Variants in EMILIN1 observed in about 807,000 individuals in gnomAD.
EMILIN1 encodes elastin microfibril interfacer 1, also known as EMILIN-1.
A neutral mutation model predicts 82.4 loss-of-function variants in EMILIN1; 49 were observed. The ratio of observed to expected loss-of-function variants is 0.59; its 90% CI spans 0.47 to 0.75. EMILIN1 has a LOEUF of 0.75. Among genes scored for constraint, EMILIN1 ranks in the 30% least tolerant of loss-of-function variants. The pLI, the probability that EMILIN1 is intolerant of heterozygous loss-of-function variation, is 0.00. For missense variants in EMILIN1, 1,313 were observed against 1,366.4 expected (o/e 0.96, Z 0.62); for synonymous variants, 604 against 602.2 (o/e 1.00, Z -0.04).
intron 1 of EMILIN1, among the ~76,000 whole-genome samples, chr2:27,079,878 T>G (rs1400611107): frequency 2.0e-5 from 3 of 152,190 alleles, no homozygotes; most frequent in South Asian, 4.1e-4. Flanking sequence ...TTGTGTACAT[T>G]CAGAGGCTCC....
At position 27,082,809 on chromosome 2, in the gene EMILIN1, G is replaced by A. The variant is rs765482973; in HGVS notation, c.1238G>A (p.Arg413His). Residue 413 changes from arginine to histidine, a missense_variant, in exon 4 of 8, where the codon CGC becomes CAC. By Grantham distance (29) the Arg-to-His change is conservative (BLOSUM62 0). Transcript: ENST00000380320. Reference sequence around the variant, plus strand: ...TCCCGCCTGTCTCGCCTGGAGGACCGCTTCAACTCCACCCTGGGCCCTTCG... The same window carrying A: ...TCCCGCCTGTCTCGCCTGGAGGACCACTTCAACTCCACCCTGGGCCCTTCG... ...LASRLSRLED[R>H]FNSTLGPSEE... The A allele has an allele frequency of 3.2e-6, 5 of 1,556,724 alleles. No homozygotes were observed. Among genetic ancestry groups the A allele is most frequent in the Non-Finnish European group, 4.3e-6 (5 of 1,159,160 alleles).
rs766286890 is a variant in EMILIN1 at position 27,083,936 on chromosome 2, C to T, written c.2365C>T (p.Arg789Trp). ...LVGGQAGLGR[R>W]LGALNSSLQL... ...CGGGGGACAGGCGGGCCTGGGCAGGCGGCTGGGTGCCCTTAACAGCTCCCT... is the reference window on the plus strand; with the variant it reads ...CGGGGGACAGGCGGGCCTGGGCAGGTGGCTGGGTGCCCTTAACAGCTCCCT... Residue 789 changes from arginine to tryptophan, a missense_variant, in exon 4 of 8, where the codon CGG (arginine) becomes TGG (tryptophan). Transcript: ENST00000380320. 34 of 1,592,146 alleles carry T rather than the reference C, an allele frequency of 2.1e-5. No homozygotes were observed. The highest frequency in any genetic ancestry group is 1.3e-4 in the African/African-American group (10 of 74,486).
chr2:27,085,599 G>C, intron 7 of EMILIN1, 79 bp from the exon 8 acceptor site: 2 of 1,346,918 alleles, frequency 1.5e-6, no homozygotes, highest in Admixed American at 4.3e-5. Context: ...AAGACCCAGA[G>C]GGTCCCTCCT....
At chr2:27,084,327 C>T (rs534932415) in intron 4 of EMILIN1, 88 bp from the exon 5 acceptor site, 13 of 801,284 alleles carry the variant, frequency 1.6e-5, no homozygotes, top group East Asian at 4.9e-5. Flanking sequence ...CATCCATCTT[C>T]TCCCTGTTCA....
chr2:27,084,570 A>T (rs773897963), intron 5 of EMILIN1, 39 bp downstream of exon 5: 1 of 1,334,718 alleles, frequency 7.5e-7, no homozygotes, highest in Admixed American at 1.7e-5. Flanking sequence ...CAGGGTTGCC[A>T]CTGCCCCCTC....
chr2:27,080,620 C>A, intron 2 of EMILIN1, 112 bp from the exon 3 acceptor site: 1 of 899,810 alleles, frequency 1.1e-6, no homozygotes, highest in Non-Finnish European at 1.7e-6. Context: ...TAAGAGGGAC[C>A]CAGCCTGAGG....
chr2:27,080,336 G>A, intron 2 of EMILIN1, 66 bp downstream of exon 2: 1 of 1,593,908 alleles, frequency 6.3e-7, no homozygotes, highest in Non-Finnish European at 8.6e-7. Context: ...GTGGGTGGCT[G>A]ACTCAGGGAG....
Position 27,079,078 on chromosome 2 carries a change from A to G in EMILIN1, c.13A>G (p.Thr5Ala). The G allele has an allele frequency of 6.3e-7, 1 of 1,596,830 alleles. No individual in the cohort carries two copies. Among genetic ancestry groups the G allele is most frequent in the South Asian group, 1.1e-5 (1 of 90,426 alleles). Residue 5 changes from threonine (T) to alanine (A), a missense_variant, in exon 1 of 8, where the codon ACC (threonine) becomes GCC (alanine). Thr to Ala is a moderately conservative substitution (Grantham distance 58). Transcript: ENST00000380320. Reference protein sequence around the residue: MAPRTLWSCYLCCLL... With the variant: MAPRALWSCYLCCLL... Reference sequence around the variant, plus strand: ...GGAGCGCCCCGCCATGGCCCCCCGCACCCTCTGGAGCTGCTACCTCTGCTG... The same window carrying G: ...GGAGCGCCCCGCCATGGCCCCCCGCGCCCTCTGGAGCTGCTACCTCTGCTG...
At position 27,083,324 on chromosome 2, in the gene EMILIN1, T is replaced by C. The variant is rs1344856139; in HGVS notation, c.1753T>C (p.Cys585Arg). ...CCATGGGGATGAGGGCTGTGGGGCC[T>C]GTGGCGGAGTCCAAGAGGAACTAGG... ...QAHGDEGCGA[C>R]GGVQEELGRL... The change falls in exon 4 of 8, where the codon TGT (cysteine) becomes CGT (arginine). Residue 585 changes from cysteine (C) to arginine (R), a missense_variant. Coordinates refer to ENST00000380320, the MANE Select transcript of EMILIN1 (RefSeq NM_007046.4). 6.2e-7 allele frequency: 1 copy of C among 1,613,310 alleles called. No homozygotes were observed.
chr2:27,080,406 G>C (rs1669452602), intron 2 of EMILIN1, 136 bp downstream of exon 2: 2 of 1,226,196 alleles, frequency 1.6e-6, no homozygotes, highest in Admixed American at 4.4e-5. Flanking sequence ...ATTTTGAGGA[G>C]ATACTGAGAC....
Position 27,083,915 on chromosome 2 carries a change from G to A in EMILIN1, c.2344G>A (p.Gly782Arg), listed in dbSNP as rs1422767895. ...QAALLEKLVG[G>R]QAGLGRRLGA... ...AGCCCTGCTGGAGAAGCTGGTCGGG[G>A]GACAGGCGGGCCTGGGCAGGCGGCT... Residue 782 changes from glycine to arginine, a missense_variant, in exon 4 of 8, where the codon GGA becomes AGA. By Grantham distance (125) the Gly-to-Arg change is moderately radical. Coordinates refer to ENST00000380320, the MANE Select transcript of EMILIN1 (RefSeq NM_007046.4). The A allele has an allele frequency of 1.2e-6, 2 of 1,606,536 alleles. No homozygotes were observed. The highest frequency in any genetic ancestry group is 1.7e-6 in the Non-Finnish European group (2 of 1,175,430).
Position 27,082,618 on chromosome 2 carries a change from C to A in EMILIN1, c.1047C>A (p.Pro349=), listed in dbSNP as rs559866168. 1.3e-6 allele frequency: 2 copies of A among 1,544,466 alleles called. No individual in the cohort carries two copies. Among genetic ancestry groups the A allele is most frequent in the East Asian group, 2.4e-5 (1 of 41,038 alleles). The change falls in exon 4 of 8, where the codon CCC becomes CCA. Residue 349 remains proline, a synonymous_variant. Coordinates refer to ENST00000380320, the MANE Select transcript of EMILIN1 (RefSeq NM_007046.4). ...HLAGLAVGRR[P]PQECCSPELG... is the part of the protein sequence containing the mutation. ...CAGGGCTGGCGGTGGGCCGCAGGCCCCCTCAGGAATGCTGCTCTCCAGAGC... is the reference window on the plus strand; with the variant it reads ...CAGGGCTGGCGGTGGGCCGCAGGCCACCTCAGGAATGCTGCTCTCCAGAGC...
Position 27,080,177 on chromosome 2 carries a change from G to T in EMILIN1, c.197G>T (p.Arg66Leu). The change falls in exon 2 of 8, where the codon CGG becomes CTG. Residue 66 changes from arginine to leucine, a missense_variant. By Grantham distance (102) the Arg-to-Leu change is moderately radical. Transcript: ENST00000380320. ...AACTGGTGTGCCTACGTGGTGACCC[G>T]GACAGTGAGCTGTGTCCTTGAGGAT... ...HRNWCAYVVT[R>L]TVSCVLEDGV... 1 of 1,614,094 alleles carries T rather than the reference G, an allele frequency of 6.2e-7. No individual in the cohort carries two copies. Among genetic ancestry groups the T allele is most frequent in the Non-Finnish European group, 8.5e-7 (1 of 1,179,944 alleles).
In EMILIN1 at chr2:27,082,913, C is replaced by A; in HGVS notation, c.1342C>A (p.Gln448Lys). The A allele has an allele frequency of 6.3e-7, 1 of 1,595,906 alleles. No individual in the cohort carries two copies. Among genetic ancestry groups the A allele is most frequent in the Non-Finnish European group, 8.5e-7 (1 of 1,176,890 alleles). ...WLPAARGRLE[Q>K]LGGLLANVSG... ...GCCTGCTGCCCGGGGCCGACTAGAGCAGTTGGGGGGGCTGCTGGCCAATGT... is the reference window on the plus strand; with the variant it reads ...GCCTGCTGCCCGGGGCCGACTAGAGAAGTTGGGGGGGCTGCTGGCCAATGT... Residue 448 changes from glutamine to lysine, a missense_variant, in exon 4 of 8, where the codon CAG becomes AAG. Physicochemically the swap from Gln to Lys is moderately conservative, Grantham distance 53 (BLOSUM62 1). Coordinates refer to ENST00000380320, the MANE Select transcript of EMILIN1 (RefSeq NM_007046.4).
Position 27,083,388 on chromosome 2 carries a change from T to C in EMILIN1, c.1817T>C (p.Leu606Pro). 6.2e-7 allele frequency: 1 copy of C among 1,612,190 alleles called. No individual in the cohort carries two copies. The highest frequency in any genetic ancestry group is 8.5e-7 in the Non-Finnish European group (1 of 1,179,942). ...RDGVERCSCP[L>P]LPPRGPGAGP... ...GGTGTGGAGCGCTGCTCCTGCCCCC[T>C]GTTGCCTCCTCGGGGTCCTGGGGCT... The change falls in exon 4 of 8, where the codon CTG becomes CCG. Residue 606 changes from leucine to proline, a missense_variant. Transcript: ENST00000380320.
Position 27,079,013 on chromosome 2 carries a change from C to A in EMILIN1, c.-53C>A. 3 of 1,400,156 alleles carry A rather than the reference C, an allele frequency of 2.1e-6. No homozygotes were observed. Among genetic ancestry groups the A allele is most frequent in the South Asian group, 1.4e-5 (1 of 71,490 alleles). 86.7% of individuals were successfully genotyped at this position (1,400,156 alleles called of 1,614,324 possible). A position where few individuals can be genotyped will look rare whatever the true frequency, so the allele number is the denominator to read the frequency against. On this transcript the variant is annotated 5_prime_UTR_variant, in exon 1 of 8. Transcript: ENST00000380320. ...GCAGCATCCCCGGGGCCGGCAGAGG[C>A]GCCAGTGGCTGGGCGGGATGAGTCT... is the stretch of plus-strand genomic sequence containing the variant.
At position 27,083,838 on chromosome 2, in the gene EMILIN1, C is replaced by A; in HGVS notation, c.2267C>A (p.Ala756Asp). Residue 756 changes from alanine to aspartate, a missense_variant, in exon 4 of 8, where the codon GCT (alanine) becomes GAT (aspartate). By Grantham distance (126) the Ala-to-Asp change is moderately radical (BLOSUM62 -2). Transcript: ENST00000380320. ...CGCGAGGGCCTTTCCAGACACGTGG[C>A]TGGGCTCTGGGCTGGGCTCCGGGAA... ...GLREGLSRHV[A>D]GLWAGLRETN... is the part of the protein sequence containing the mutation. The A allele has an allele frequency of 6.2e-7, 1 of 1,600,584 alleles. No homozygotes were observed. Among genetic ancestry groups the A allele is most frequent in the Non-Finnish European group, 8.5e-7 (1 of 1,170,150 alleles).
chr2:27,085,252 G>A lies in EMILIN1; in HGVS notation c.2668G>A (p.Asp890Asn), dbSNP rs1472940418. Reference sequence around the variant, plus strand: ...GTCTGAACCAGGCACGGTCCCCTTCGACAGAGTCCTGCTCAATGATGGAGG... The same window carrying A: ...GTCTGAACCAGGCACGGTCCCCTTCAACAGAGTCCTGCTCAATGATGGAGG... ...PRSEPGTVPF[D>N]RVLLNDGGYY... Residue 890 changes from aspartate to asparagine, a missense_variant, in exon 7 of 8, where the codon GAC (aspartate) becomes AAC (asparagine). Transcript: ENST00000380320. 6.2e-7 allele frequency: 1 copy of A among 1,613,980 alleles called. No individual in the cohort carries two copies. The highest frequency in any genetic ancestry group is 2.2e-5 in the East Asian group (1 of 44,894).
chr2:27,079,744 C>G (rs144132358), intron 1 of EMILIN1, among the ~76,000 whole-genome samples: 1 of 152,188 alleles, frequency 6.6e-6, no homozygotes, highest in South Asian at 2.1e-4. Context: ...CTGGCCTGCC[C>G]GTCTTCTCCT....
Sources: allele counts gnomAD v4.1 joint callset (sites outside exome capture counted in the v4.1 genomes callset), GRCh38; gene constraint gnomAD v4.1.1; transcripts MANE v1.5; gene names NCBI Gene and HGNC (gene_info 2026-07-23, HGNC 2026-07-21).